The following SRRM4 variants were observed in gnomAD, a reference collection of about 807,000 sequenced individuals.
The protein encoded by SRRM4 is serine/arginine repetitive matrix 4.
A neutral mutation model predicts 68.9 loss-of-function variants in SRRM4; 33 were observed. The ratio of observed to expected loss-of-function variants is 0.48; its 90% confidence interval spans 0.36 to 0.64. The LOEUF is 0.64. Among genes scored for constraint, SRRM4 ranks in the 30% least tolerant of loss-of-function variants. SRRM4 has a pLI of 0.00. For synonymous variants in SRRM4, 318 were observed against 318.8 expected (o/e 1.00, Z 0.03); for missense variants, 817 against 827.1 (o/e 0.99, Z 0.15).
At chr12:119,084,957 G>A (rs1281772502) in intron 1 of SRRM4, among the ~76,000 whole-genome samples, 5 of 152,338 alleles carry the variant, frequency 3.3e-5, no homozygotes, top group East Asian at 1.9e-4. Flanking sequence ...CTGGAATGCA[G>A]TGGTGCGATC....
chr12:119,028,841 C>T (rs973546908), intron 1 of SRRM4, among the ~76,000 whole-genome samples: 3 of 152,158 alleles, frequency 2.0e-5, no homozygotes, highest in Admixed American at 6.5e-5. Context: ...AAATTTGAAT[C>T]GGTGATCCCA....
chr12:119,099,388 C>G (rs1265495942), intron 1 of SRRM4, among the ~76,000 whole-genome samples: 3 of 152,160 alleles, frequency 2.0e-5, no homozygotes, highest in Non-Finnish European at 2.9e-5. Flanking sequence ...CTTGCCTCGG[C>G]CTCCCGAAGT....
At chr12:119,017,736 C>T (rs1401109546) in intron 1 of SRRM4, among the ~76,000 whole-genome samples, 4 of 152,158 alleles carry the variant, frequency 2.6e-5, no homozygotes, top group African/African-American at 9.7e-5. Context: ...CTCATCTTTG[C>T]TCTAGCAGAG....
chr12:119,039,454 G>A (rs1339437738), intron 1 of SRRM4, among the ~76,000 whole-genome samples: 1 of 151,020 alleles, frequency 6.6e-6, no homozygotes, highest in Non-Finnish European at 1.5e-5. Context: ...TTTTCCACTA[G>A]CATTACTATT....
intron 1 of SRRM4, among the ~76,000 whole-genome samples, chr12:119,039,232 G>T (rs115151347): frequency 2.0e-5 from 3 of 152,158 alleles, no homozygotes; most frequent in African/African-American, 4.8e-5. Context: ...GCTCAGTGAC[G>T]TTGCAGTCAG....
At chr12:118,988,293 C>T (rs1275086335) in intron 1 of SRRM4, among the ~76,000 whole-genome samples, 1 of 152,192 alleles carries the variant, frequency 6.6e-6, no homozygotes, top group African/African-American at 2.4e-5. Flanking sequence ...CAGACCTTTG[C>T]CCCCAGCAGG....
chr12:119,064,117 C>T lies in SRRM4; in HGVS notation c.132-38119C>T, dbSNP rs1041881470. On this transcript the variant is annotated intron_variant, in intron 1 of 12. Coordinates refer to ENST00000267260, the MANE Select transcript of SRRM4 (RefSeq NM_194286.4). Reference sequence around the variant, plus strand: ...TGAGAGCAACTCCATTGATTTACAACTCAAATAGGAATGAATAATCCACAT... The same window carrying T: ...TGAGAGCAACTCCATTGATTTACAATTCAAATAGGAATGAATAATCCACAT... Among the ~76,000 whole-genome samples the T allele has an allele frequency of 7.9e-5, 12 of 152,190 alleles. 1 individual carries two copies. Among genetic ancestry groups the T allele is most frequent in the African/African-American group, 1.7e-4 (7 of 41,452 alleles).
chr12:119,151,383 T>G (rs986322000), intron 10 of SRRM4, among the ~76,000 whole-genome samples, 163 bp downstream of exon 10: 12 of 152,112 alleles, frequency 7.9e-5, no homozygotes, highest in African/African-American at 2.9e-4. Context: ...TCAGTTAATT[T>G]CTCTGAACCT....
At chr12:119,028,449 A>C (rs1209853812) in intron 1 of SRRM4, among the ~76,000 whole-genome samples, 1 of 152,190 alleles carries the variant, frequency 6.6e-6, no homozygotes, top group Non-Finnish European at 1.5e-5. Flanking sequence ...TATAAAGGGC[A>C]GTTCCCCTGC....
rs141926089 is a variant in SRRM4, at chr12:119,073,355, C to G, written c.132-28881C>G. On this transcript the variant is annotated intron_variant, in intron 1 of 12. Transcript: ENST00000267260. Reference sequence around the variant, plus strand: ...TTTGTTTGTTTGAGAAGGAGTCTCACTCTGTTGCCCAGGCTGGAGTGCAGT... The same window carrying G: ...TTTGTTTGTTTGAGAAGGAGTCTCAGTCTGTTGCCCAGGCTGGAGTGCAGT... 4.6e-3 allele frequency among the ~76,000 whole-genome samples: 671 copies of G among 145,964 alleles called. 1 individual carries two copies. The highest frequency in any genetic ancestry group is 0.015 in the African/African-American group (581 of 39,882).
intron 1 of SRRM4, among the ~76,000 whole-genome samples, chr12:119,034,751 G>C (rs533614337): frequency 6.6e-6 from 1 of 152,182 alleles, no homozygotes; most frequent in South Asian, 2.1e-4. Context: ...GTTTTCTCTT[G>C]CCTTGAATTA....
chr12:119,050,302 A>AT (rs1953734400), intron 1 of SRRM4, among the ~76,000 whole-genome samples: 1 of 152,146 alleles, frequency 6.6e-6, no homozygotes, highest in Admixed American at 6.5e-5. Flanking sequence ...TCTGTTCTGG[A>AT]TTTGTTTGAT....
intron 1 of SRRM4, among the ~76,000 whole-genome samples, chr12:118,990,954 C>A (rs1953312855): frequency 1.3e-5 from 2 of 152,160 alleles, no homozygotes; most frequent in Admixed American, 1.3e-4. Flanking sequence ...CAAGTACCCA[C>A]CCCGCACCCA....
chr12:119,116,815 A>G (rs559226551), intron 3 of SRRM4, 122 bp from the exon 4 acceptor site: 7 of 678,522 alleles, frequency 1.0e-5, no homozygotes, highest in Non-Finnish European at 1.8e-5. Flanking sequence ...CATGGATATT[A>G]TCTTTGATGT....
intron 1 of SRRM4, among the ~76,000 whole-genome samples, chr12:119,029,014 G>A (rs1033714152): frequency 6.6e-6 from 1 of 152,160 alleles, no homozygotes; most frequent in South Asian, 2.1e-4. Flanking sequence ...GAGACAGAAA[G>A]GGACAACGAA....
chr12:119,037,284 G>A (rs1295138719), intron 1 of SRRM4, among the ~76,000 whole-genome samples: 1 of 152,054 alleles, frequency 6.6e-6, no homozygotes, highest in African/African-American at 2.4e-5. Flanking sequence ...CATGTGAGGC[G>A]GAAAATGCCC....
At chr12:119,148,070 C>T (rs1300791929) in intron 9 of SRRM4, among the ~76,000 whole-genome samples, 2 of 152,182 alleles carry the variant, frequency 1.3e-5, no homozygotes, top group East Asian at 3.8e-4. Flanking sequence ...GGTGGAAAAG[C>T]TTTGCTGGTG....
chr12:119,150,970 C>A (rs1199996870), intron 9 of SRRM4, 47 bp from the exon 10 acceptor site: 9 of 1,578,882 alleles, frequency 5.7e-6, no homozygotes, highest in Non-Finnish European at 6.9e-6. Context: ...CAAGATGCTC[C>A]CAGAGTAGTG....
At chr12:119,046,816 C>T (rs1953710556) in intron 1 of SRRM4, among the ~76,000 whole-genome samples, 1 of 152,044 alleles carries the variant, frequency 6.6e-6, no homozygotes, top group Non-Finnish European at 1.5e-5. Context: ...AAGGAAGCAG[C>T]ACAGTCTGGA....
Sources: allele counts gnomAD v4.1 joint callset (sites outside exome capture counted in the v4.1 genomes callset), GRCh38; gene constraint gnomAD v4.1.1; transcripts MANE v1.5; gene names NCBI Gene and HGNC (gene_info 2026-07-23, HGNC 2026-07-21).